Variants in LINGO2 observed in about 807,000 individuals in gnomAD.
LINGO2 encodes leucine rich repeat and Ig domain containing 2.
A neutral mutation model predicts 30.6 loss-of-function variants in LINGO2; 14 were observed. The ratio of observed to expected loss-of-function variants is 0.46; its 90% CI spans 0.30 to 0.72. The LOEUF (loss-of-function observed/expected upper bound fraction) is 0.72. Ranked by LOEUF, LINGO2 falls within the 30% of genes least tolerant of loss-of-function variation. The pLI, the probability that LINGO2 is intolerant of heterozygous loss-of-function variation, is 0.07. For missense variants in LINGO2, 729 were observed against 751.7 expected, an observed-to-expected ratio of 0.97 and a Z score of 0.35; for synonymous variants, 317 against 288.5, an observed-to-expected ratio of 1.10 and a Z score of -1.00.
Position 28,294,717 on chromosome 9 carries a change from T to A in LINGO2, c.-87+491A>T, listed in dbSNP as rs191687689. On this transcript the variant is annotated intron_variant, in intron 4 of 5. Coordinates refer to ENST00000379992, the Ensembl canonical transcript of LINGO2. ...ATCACCATCTTAAATAACAGGTGAA[T>A]AGATTTGGAATGATAAATACTTTCA... is the stretch of plus-strand genomic sequence containing the variant. Among the ~76,000 whole-genome samples, 284 of 152,296 alleles carry A rather than the reference T, an allele frequency of 1.9e-3. 1 individual carries two copies. Among genetic ancestry groups the A allele is most frequent in the African/African-American group, 6.3e-3 (262 of 41,582 alleles).
At chr9:28,055,745 C>A (rs907761113) in intron 4 of LINGO2, among the ~76,000 whole-genome samples, 1 of 152,150 alleles carries the variant, frequency 6.6e-6, no homozygotes, top group Admixed American at 6.6e-5. Flanking sequence ...AAAGACAAGT[C>A]TCTCTTGGAA....
intron 4 of LINGO2, among the ~76,000 whole-genome samples, chr9:28,060,955 G>A (rs1825124938): frequency 1.3e-5 from 2 of 151,906 alleles, no homozygotes; most frequent in South Asian, 4.2e-4. Context: ...GTATCCTTCA[G>A]ATATCAATTT....
intron 3 of LINGO2, among the ~76,000 whole-genome samples, chr9:28,309,219 T>C (rs1824503230): frequency 6.6e-6 from 1 of 152,144 alleles, no homozygotes; most frequent in Non-Finnish European, 1.5e-5. Context: ...TAAGAAAATG[T>C]GGCACATATA....
chr9:28,609,727 C>T (rs16913401), intron 1 of LINGO2, among the ~76,000 whole-genome samples: 6,175 of 152,080 alleles, frequency 0.041, 437 homozygotes, highest in African/African-American at 0.14. Flanking sequence ...ATGTCAGGTG[C>T]ACATTCTTTC....
At chr9:28,141,551 G>T (rs1240394326) in intron 4 of LINGO2, among the ~76,000 whole-genome samples, 1 of 152,208 alleles carries the variant, frequency 6.6e-6, no homozygotes, top group East Asian at 1.9e-4. Flanking sequence ...AACTTCTGCA[G>T]CCTGGGTTAC....
downstream of LINGO2, among the ~76,000 whole-genome samples, chr9:27,945,496 G>C (rs1388667547): frequency 6.6e-6 from 1 of 152,134 alleles, no homozygotes; most frequent in East Asian, 1.9e-4. Flanking sequence ...TTCTGAGAAA[G>C]TTGAGCAAAA....
At chr9:28,051,136 A>G (rs1824652327) in intron 4 of LINGO2, among the ~76,000 whole-genome samples, 1 of 150,778 alleles carries the variant, frequency 6.6e-6, no homozygotes, top group African/African-American at 2.5e-5. Context: ...ATTTCAGAAG[A>G]GTTCTGGCTG....
At chr9:28,191,861 G>T (rs1480453553) in intron 4 of LINGO2, among the ~76,000 whole-genome samples, 1 of 151,908 alleles carries the variant, frequency 6.6e-6, no homozygotes, top group East Asian at 1.9e-4. Context: ...AATTGATTTT[G>T]CCAGGTCTTA....
intron 3 of LINGO2, among the ~76,000 whole-genome samples, chr9:28,341,644 A>C (rs1825768552): frequency 6.6e-6 from 1 of 152,212 alleles, no homozygotes; most frequent in African/African-American, 2.4e-5. Context: ...ATAGTTATTA[A>C]GCTTATGAAA....
intron 4 of LINGO2, among the ~76,000 whole-genome samples, chr9:28,047,439 T>TA (rs959025919): frequency 8.6e-5 from 13 of 151,542 alleles, no homozygotes; most frequent in African/African-American, 3.2e-4. Flanking sequence ...GTTGAAATAT[T>TA]AACTATAGCA....
At chr9:28,726,473 T>C in the LINGO2 span, among the ~76,000 whole-genome samples, 2 of 152,096 alleles carry the variant, frequency 1.3e-5, no homozygotes, top group Non-Finnish European at 2.9e-5. Context: ...TATATAAATA[T>C]GAAGAAAAAA....
chr9:28,893,308 C>A, the LINGO2 span, among the ~76,000 whole-genome samples: 1,286 of 152,060 alleles, frequency 8.5e-3, 27 homozygotes, highest in African/African-American at 0.029. Flanking sequence ...TATACCATGT[C>A]AGGACATCTG....
chr9:28,398,228 G>A (rs910540301), intron 2 of LINGO2, among the ~76,000 whole-genome samples: 12 of 152,188 alleles, frequency 7.9e-5, no homozygotes, highest in African/African-American at 2.6e-4. Context: ...TGATATATAC[G>A]GGGACTCTGT....
intron 4 of LINGO2, among the ~76,000 whole-genome samples, chr9:28,063,434 C>CG (rs1825217119): frequency 6.8e-5 from 1 of 14,736 alleles, no homozygotes; most frequent in African/African-American, 1.8e-4. Flanking sequence ...TTATTATCCA[C>CG]ATTTTTTTTT....
the LINGO2 span, among the ~76,000 whole-genome samples, chr9:29,055,087 C>A: frequency 6.6e-6 from 1 of 151,818 alleles, no homozygotes; most frequent in Non-Finnish European, 1.5e-5. Flanking sequence ...GGCGTGGTGG[C>A]GGGCACCTGT....
intron 1 of LINGO2, among the ~76,000 whole-genome samples, chr9:28,518,506 C>A (rs201960482): frequency 6.6e-6 from 1 of 152,072 alleles, no homozygotes; most frequent in South Asian, 2.1e-4. Context: ...AGGACACTCT[C>A]GACTTACCTT....
intron 1 of LINGO2, among the ~76,000 whole-genome samples, chr9:28,626,463 T>G (rs2135852771): frequency 6.6e-6 from 1 of 152,254 alleles, no homozygotes; most frequent in African/African-American, 2.4e-5. Context: ...CTGTCTAAAA[T>G]ATCTTTGTCC....
At position 28,316,284 on chromosome 9, in the gene LINGO2, G is replaced by A. The variant is rs116511593; in HGVS notation, c.-245-20918C>T. On this transcript the variant is annotated intron_variant, in intron 3 of 5. Coordinates refer to ENST00000379992, the Ensembl canonical transcript of LINGO2. ...ACTGTACAATGAAATATATAGTGAG[G>A]AGATATGTATTTCATTATCTACTCT... 1.3e-3 allele frequency among the ~76,000 whole-genome samples: 201 copies of A among 151,876 alleles called. 1 individual carries two copies. Among genetic ancestry groups the A allele is most frequent in the African/African-American group, 4.5e-3 (186 of 41,424 alleles).
the LINGO2 span, among the ~76,000 whole-genome samples, chr9:28,677,006 A>G: frequency 6.6e-6 from 1 of 152,150 alleles, no homozygotes; most frequent in Admixed American, 6.6e-5. Context: ...AACATTAGCA[A>G]AATAATAGCG....
Sources: gnomAD v4.1 joint callset for allele counts (sites outside exome capture counted in the v4.1 genomes callset) on GRCh38, gnomAD v4.1.1 for gene constraint, MANE v1.5 for transcripts, NCBI Gene and HGNC (gene_info 2026-07-23, HGNC 2026-07-21) for gene names.